The following NFX1 variants were observed in gnomAD, a reference collection of about 807,000 sequenced individuals.
NFX1 encodes nuclear transcription factor, X-box binding 1.
In NFX1, 69 loss-of-function variants were observed where a neutral mutation model predicts 137.2. The ratio of observed to expected loss-of-function variants is 0.50; its 90% confidence interval spans 0.41 to 0.61. The LOEUF is 0.61. Among genes scored for constraint, NFX1 ranks in the 20% least tolerant of loss-of-function variants. The pLI is 0.00. For synonymous variants in NFX1, 495 were observed against 474.1 expected (o/e 1.04, Z -0.57); for missense variants, 1,167 against 1,391.0 (o/e 0.84, Z 2.56).
At chr9:33,317,522 A>T (rs1346875719) in intron 7 of NFX1, among the ~76,000 whole-genome samples, 4 of 150,282 alleles carry the variant, frequency 2.7e-5, no homozygotes, top group African/African-American at 9.8e-5. Flanking sequence ...TGAATCTTAA[A>T]TTCAGCTAAT....
At chr9:33,353,018 CA>C in intron 17 of NFX1, 1 of 296,922 alleles carries the variant, frequency 3.4e-6, no homozygotes, top group Non-Finnish European at 6.3e-6. Flanking sequence ...GCTGGGATCA[CA>C]GGCGTGAGCC....
chr9:33,295,335 A>C lies in NFX1; in HGVS notation c.941A>C (p.Lys314Thr). The stretch of plus-strand genomic sequence containing the variant: ...TCTTCCAGGAGGGTTGACCAAGAGA[A>C]ATGCACTGTACGGAGGCAGGATCCT... ...NKSSRRVDQE[K>T]CTVRRQDPQV... is the part of the protein sequence containing the mutation. The change falls in exon 2 of 24, where the codon AAA becomes ACA. Residue 314 changes from lysine (K) to threonine (T), a missense_variant. Lys to Thr is a moderately conservative substitution (Grantham distance 78). Around this residue, in one of 3 missense-constraint regions of NFX1, gnomAD observed 367 missense variants for 386.7 expected, o/e 0.95. Coordinates refer to ENST00000379540, the MANE Select transcript of NFX1 (RefSeq NM_002504.6). 1.2e-6 allele frequency: 2 copies of C among 1,614,174 alleles called. No individual in the cohort carries two copies. Among genetic ancestry groups the C allele is most frequent in the Non-Finnish European group, 1.7e-6 (2 of 1,180,030 alleles).
intron 9 of NFX1, among the ~76,000 whole-genome samples, chr9:33,327,807 T>G (rs1822651900): frequency 6.6e-6 from 1 of 152,182 alleles, no homozygotes; most frequent in South Asian, 2.1e-4. Flanking sequence ...AAACCTAGTT[T>G]AGCAGCATGG....
At chr9:33,301,117 G>T (rs1318348996) in intron 2 of NFX1, 146 bp from the exon 3 acceptor site, 2 of 724,894 alleles carry the variant, frequency 2.8e-6, no homozygotes, top group Non-Finnish European at 4.4e-6. Flanking sequence ...TGAATAGCCA[G>T]CTGCCTTACC....
At chr9:33,318,670 G>A in intron 7 of NFX1, 61 bp from the exon 8 acceptor site, 1 of 1,441,130 alleles carries the variant, frequency 6.9e-7, no homozygotes, top group Non-Finnish European at 9.7e-7. Context: ...TAGATTATTT[G>A]TGACATTTTA....
intron 14 of NFX1, among the ~76,000 whole-genome samples, chr9:33,345,994 T>C (rs1823407364): frequency 6.6e-6 from 1 of 152,222 alleles, no homozygotes; most frequent in Non-Finnish European, 1.5e-5. Context: ...ATACCCACAG[T>C]TAGTCTGGCA....
intron 23 of NFX1, 107 bp from the exon 24 acceptor site, chr9:33,369,799 T>G: frequency 1.3e-6 from 1 of 796,728 alleles, no homozygotes; most frequent in Non-Finnish European, 2.0e-6. Flanking sequence ...ATAAAATAAA[T>G]GTTTAAGATT....
chr9:33,334,745 C>G (rs548398625), intron 11 of NFX1, among the ~76,000 whole-genome samples: 2 of 152,180 alleles, frequency 1.3e-5, no homozygotes, highest in Non-Finnish European at 2.9e-5. Flanking sequence ...AACTCTTGTT[C>G]TTGCAGAGTA....
At position 33,295,980 on chromosome 9, in the gene NFX1, G is replaced by C. The variant is rs371631756; in HGVS notation, c.1033+553G>C. The stretch of plus-strand genomic sequence containing the variant: ...AGGAGTCTCACTGTTGCCCAGGCTA[G>C]AGTGCAGTGGTGCGATCCCAGCTCA... On this transcript the variant is annotated intron_variant, in intron 2 of 23. Transcript: ENST00000379540. Among the ~76,000 whole-genome samples, 108 of 152,228 alleles carry C rather than the reference G, an allele frequency of 7.1e-4. 2 individuals carry two copies. Among genetic ancestry groups the C allele is most frequent in the African/African-American group, 2.5e-3 (102 of 41,520 alleles).
At chr9:33,332,733 TAAA>T (rs1169426468) in intron 11 of NFX1, 1 of 416,008 alleles carries the variant, frequency 2.4e-6, no homozygotes, top group Non-Finnish European at 4.4e-6. Context: ...TGAAATGCAT[TAAA>T]AAAGAAAATT....
intron 19 of NFX1, among the ~76,000 whole-genome samples, chr9:33,355,982 A>T (rs1416360630): frequency 6.6e-6 from 1 of 152,164 alleles, no homozygotes; most frequent in Non-Finnish European, 1.5e-5. Flanking sequence ...ATATTTCTGT[A>T]CATTTCTGTT....
rs967068886 is a variant in NFX1, at chr9:33,314,467, A to C, written c.1588+674A>C. On this transcript the variant is annotated intron_variant, in intron 7 of 23. Transcript: ENST00000379540. ...TGAGGCCGGTGGATCACTCGAGGTC[A>C]GCAGATTGAGACCAGCCTGGCCAGC... is the stretch of plus-strand genomic sequence containing the variant. 5.3e-5 allele frequency among the ~76,000 whole-genome samples: 8 copies of C among 152,106 alleles called. No homozygotes were observed. In the South Asian group the frequency reaches 1.7e-3, roughly 32 times the overall value.
intron 17 of NFX1, among the ~76,000 whole-genome samples, chr9:33,353,317 G>A (rs976612963): frequency 6.6e-6 from 1 of 152,188 alleles, no homozygotes; most frequent in Non-Finnish European, 1.5e-5. Flanking sequence ...TGGTGTGAGG[G>A]TTTCTAATTG....
At chr9:33,307,065 A>G in intron 4 of NFX1, 129 bp from the exon 5 acceptor site, 1 of 613,078 alleles carries the variant, frequency 1.6e-6, no homozygotes, top group Non-Finnish European at 2.9e-6. Flanking sequence ...GATATGGGAT[A>G]ATACATTTGT....
intron 5 of NFX1, among the ~76,000 whole-genome samples, chr9:33,308,278 CA>C (rs1821833678): frequency 6.6e-6 from 1 of 151,844 alleles, no homozygotes; most frequent in Admixed American, 6.6e-5. Flanking sequence ...CCCGTCTCTA[CA>C]AAAAAATTTA....
intron 19 of NFX1, among the ~76,000 whole-genome samples, chr9:33,358,598 G>A (rs1178306822): frequency 6.8e-6 from 1 of 147,688 alleles, no homozygotes; most frequent in Non-Finnish European, 1.5e-5. Flanking sequence ...GCTTCAGCAG[G>A]CATAAAAATA....
intron 7 of NFX1, among the ~76,000 whole-genome samples, chr9:33,317,507 G>A (rs1285615595): frequency 6.8e-6 from 1 of 147,854 alleles, no homozygotes; most frequent in Non-Finnish European, 1.5e-5. Context: ...AAAATAAAGA[G>A]TCCTTGAATC....
In NFX1 at chr9:33,367,617, CAAGT is replaced by C; in HGVS notation, c.3290+2_3290+5del. 6.2e-7 allele frequency: 1 copy of C among 1,613,418 alleles called. No individual in the cohort carries two copies. The highest frequency in any genetic ancestry group is 8.5e-7 in the Non-Finnish European group (1 of 1,179,512). On this transcript the variant is annotated splice_donor_variant and coding_sequence_variant, in exon 23 of 24. Transcript: ENST00000379540. LOFTEE classifies it high-confidence loss of function. ...TTCCTCATCACAGACATCAGTCAGACAAGTAAGATTCTCCAGCTGCTTTCCAAGG... is the reference window on the plus strand; with the variant it reads ...TTCCTCATCACAGACATCAGTCAGACAAGATTCTCCAGCTGCTTTCCAAGG...
chr9:33,326,843 A>C (rs554017577), intron 9 of NFX1, among the ~76,000 whole-genome samples: 2 of 152,222 alleles, frequency 1.3e-5, no homozygotes, highest in African/African-American at 4.8e-5. Context: ...TGTGATATGT[A>C]TAACAATAAC....
Sources: gnomAD v4.1 joint callset for allele counts (sites outside exome capture counted in the v4.1 genomes callset) on GRCh38, gnomAD v4.1.1 for gene constraint, gnomAD v4.1.1 regional missense constraint, MANE v1.5 for transcripts, NCBI Gene and HGNC (gene_info 2026-07-23, HGNC 2026-07-21) for gene names.